The following WDR64 variants were observed in gnomAD, a reference collection of about 807,000 sequenced individuals.
The protein encoded by WDR64 is WD repeat domain 64.
Under a neutral mutation model 139.3 loss-of-function variants are expected in WDR64, and 112 were observed. That is an observed-to-expected ratio of 0.80 (90% CI 0.69 to 0.94). WDR64 has a LOEUF of 0.94. Ranked by LOEUF, WDR64 falls within the 40% of genes least tolerant of loss-of-function variation. The probability of loss-of-function intolerance (pLI) is 0.00; values close to 1 mark genes in which losing one functional copy is unlikely to be tolerated. For missense variants in WDR64, 1,206 were observed against 1,293.1 expected, an observed-to-expected ratio of 0.93 and a Z score of 1.03; for synonymous variants, 444 against 437.7, an observed-to-expected ratio of 1.01 and a Z score of -0.18.
At chr1:241,760,401 C>G (rs1198287977) in intron 15 of WDR64, among the ~76,000 whole-genome samples, 1 of 150,362 alleles carries the variant, frequency 6.7e-6, no homozygotes, top group Non-Finnish European at 1.5e-5. Context: ...TCCTGATAAC[C>G]GGAAGCCTCA....
chr1:241,732,830 CAAAAAAACA>C (rs1669136688), intron 10 of WDR64, among the ~76,000 whole-genome samples: 1 of 146,086 alleles, frequency 6.8e-6, no homozygotes, highest in African/African-American at 2.5e-5. Flanking sequence ...AAAAAAAAAC[CAAAAAAACA>C]AAAAAACAAA....
At chr1:241,770,546 G>A in intron 17 of WDR64, 75 bp from the exon 18 acceptor site, 1 of 1,333,884 alleles carries the variant, frequency 7.5e-7, no homozygotes, top group Non-Finnish European at 1.0e-6. Context: ...TGAAATTAAA[G>A]CAGAGAAGCA....
chr1:241,671,014 C>A, intron 2 of WDR64, 60 bp from the exon 3 acceptor site: 1 of 1,208,646 alleles, frequency 8.3e-7, no homozygotes, highest in Non-Finnish European at 1.2e-6. Flanking sequence ...ATGAGATCTG[C>A]TACTTTATAG....
intron 5 of WDR64, 110 bp downstream of exon 5, chr1:241,678,326 G>C: frequency 2.5e-6 from 1 of 395,720 alleles, no homozygotes; most frequent in East Asian, 3.6e-5. Context: ...CTGGGTATAT[G>C]TTTCATATAT....
In WDR64 at chr1:241,749,720, C is replaced by T. The variant is rs564164315; in HGVS notation, c.1768C>T (p.Gln590Ter). ...GCGCAACGGGACTATCAAAATGATC[C>T]AGGTTTACAATCCCACTTCATACTC... ...LERNGTIKMI[Q>*]GKEDDIYLMV... The change falls in exon 14 of 28, where the codon CAG becomes TAG. Residue 590 changes from glutamine (Q) to a stop codon, truncating the protein, a stop_gained and splice_region_variant. Coordinates refer to ENST00000437684, the MANE Select transcript of WDR64 (RefSeq NM_001367482.1). LOFTEE classifies it high-confidence loss of function. 9.9e-6 allele frequency: 16 copies of T among 1,613,324 alleles called. No homozygotes were observed. The East Asian group carries it at 3.3e-4, about 34-fold the overall frequency.
chr1:241,677,257 A>C, intron 4 of WDR64: 1 of 398,144 alleles, frequency 2.5e-6, no homozygotes, highest in Non-Finnish European at 4.4e-6. Flanking sequence ...AGATATATAT[A>C]GAGAAAGAGA....
chr1:241,790,518 TA>T, intron 24 of WDR64, 72 bp from the exon 25 acceptor site: 3 of 1,269,896 alleles, frequency 2.4e-6, no homozygotes, highest in Non-Finnish European at 3.4e-6. Flanking sequence ...GAGAAGGACA[TA>T]ATGGATCTTT....
intron 24 of WDR64, among the ~76,000 whole-genome samples, chr1:241,790,316 A>C (rs934776582): frequency 1.1e-4 from 17 of 152,088 alleles, no homozygotes; most frequent in Admixed American, 4.6e-4. Context: ...GCACTACTAC[A>C]CTCCATACTG....
intron 10 of WDR64, among the ~76,000 whole-genome samples, chr1:241,735,557 C>T (rs1192688283): frequency 6.5e-5 from 4 of 61,842 alleles, no homozygotes; most frequent in East Asian, 6.7e-4. Context: ...TTTTTTGATA[C>T]GGAATCTCGC....
chr1:241,661,347 A>G lies in WDR64; in HGVS notation c.276+687A>G, dbSNP rs183600425. On this transcript the variant is annotated intron_variant, in intron 2 of 27. Coordinates refer to ENST00000437684, the MANE Select transcript of WDR64 (RefSeq NM_001367482.1). ...GACCACATTAGGCTAAAAAGAAAAT[A>G]TTAATAAATTATGATATAATAAATT... Among the ~76,000 whole-genome samples the G allele has an allele frequency of 4.5e-3, 685 of 152,044 alleles. 3 individuals carry two copies. The highest frequency in any genetic ancestry group is 0.016 in the African/African-American group (659 of 41,574).
chr1:241,745,170 T>C (rs753828866), intron 13 of WDR64, among the ~76,000 whole-genome samples: 8 of 152,170 alleles, frequency 5.3e-5, no homozygotes, highest in Non-Finnish European at 1.2e-4. Flanking sequence ...CTAGACCATA[T>C]GACCGATTGC....
chr1:241,782,503 A>G (rs1658885851), intron 22 of WDR64, among the ~76,000 whole-genome samples: 2 of 152,192 alleles, frequency 1.3e-5, no homozygotes, highest in African/African-American at 4.8e-5. Context: ...GTAAGGTGTC[A>G]GTCCGGGTTT....
chr1:241,752,950 T>C (rs778377354), intron 14 of WDR64, among the ~76,000 whole-genome samples: 15 of 152,216 alleles, frequency 9.9e-5, no homozygotes, highest in Admixed American at 3.9e-4. Context: ...CAATATCTGG[T>C]CACTCTTGAG....
chr1:241,671,252 C>T, intron 3 of WDR64, 76 bp downstream of exon 3: 2 of 1,007,472 alleles, frequency 2.0e-6, no homozygotes, highest in Non-Finnish European at 2.9e-6. Flanking sequence ...CTATATTTTC[C>T]ATAGAATCAC....
intron 24 of WDR64, among the ~76,000 whole-genome samples, chr1:241,788,980 C>T (rs1659137470): frequency 6.6e-6 from 1 of 152,100 alleles, no homozygotes; most frequent in South Asian, 2.1e-4. Flanking sequence ...CTAATTTGTC[C>T]ATATGCATCT....
chr1:241,721,286 T>C (rs1398445788), intron 9 of WDR64, among the ~76,000 whole-genome samples: 1 of 152,194 alleles, frequency 6.6e-6, no homozygotes, highest in Non-Finnish European at 1.5e-5. Flanking sequence ...AGGCTCTTTT[T>C]TGGTTCCACT....
Position 241,794,504 on chromosome 1 carries a change from G to GCTT in WDR64, c.2998-703_2998-702insCTT, listed in dbSNP as rs780489411. Among the ~76,000 whole-genome samples the GCTT allele has an allele frequency of 3.9e-4, 32 of 81,484 alleles. 1 individual carries two copies. Among genetic ancestry groups the GCTT allele is most frequent in the African/African-American group, 1.4e-3 (32 of 23,036 alleles). 53.5% of individuals were successfully genotyped at this position (81,484 alleles called of 152,430 possible). On this transcript the variant is annotated intron_variant, in intron 25 of 27. Coordinates refer to ENST00000437684, the MANE Select transcript of WDR64 (RefSeq NM_001367482.1). ...TGCCCCACATATTTTAAGCTTTACT[G>GCTT]TTTTTTTTTTTTTTTTTTTTTTGAG...
chr1:241,784,952 T>TGGAAAA (rs201471945), intron 23 of WDR64, among the ~76,000 whole-genome samples: 1 of 55,316 alleles, frequency 1.8e-5, no homozygotes, highest in Non-Finnish European at 3.2e-5. Flanking sequence ...AGACTCTGTC[T>TGGAAAA]GAAAAAAAAA....
At chr1:241,686,844 T>A (rs527289870) in intron 7 of WDR64, among the ~76,000 whole-genome samples, 1 of 152,350 alleles carries the variant, frequency 6.6e-6, no homozygotes, top group South Asian at 2.1e-4. Flanking sequence ...TGAAGCATAC[T>A]GCTCCATTTG....
Sources: gnomAD v4.1 joint callset for allele counts (sites outside exome capture counted in the v4.1 genomes callset) on GRCh38, gnomAD v4.1.1 for gene constraint, MANE v1.5 for transcripts, NCBI Gene and HGNC (gene_info 2026-07-23, HGNC 2026-07-21) for gene names.